Variants in DYSF observed in about 807,000 individuals in gnomAD.
The protein encoded by DYSF is dystrophy-associated fer-1-like 1.
In DYSF, 212 loss-of-function variants were observed where a neutral mutation model predicts 274.9. The observed-to-expected ratio is 0.77, with a 90% CI of 0.69 to 0.86. The LOEUF is 0.86. Among genes scored for constraint, DYSF ranks in the 40% least tolerant of loss-of-function variants. The pLI is 0.00. For synonymous variants in DYSF, 1,091 were observed against 1,078.7 expected, an observed-to-expected ratio of 1.01 and a Z score of -0.22; for missense variants, 2,666 against 2,783.2, an observed-to-expected ratio of 0.96 and a Z score of 0.95.
chr2:71,686,437 C>T lies in DYSF; in HGVS notation c.6322-17C>T. On this transcript the variant is annotated splice_polypyrimidine_tract_variant and intron_variant, in intron 55 of 55. Coordinates refer to ENST00000410020, the MANE Select transcript of DYSF (RefSeq NM_001130987.2). Reference sequence around the variant, plus strand: ...CAGTGGGATCACCATGGGTCCCTGTCTCCTCCCTCCCTCCAGAACTATGCT... The same window carrying T: ...CAGTGGGATCACCATGGGTCCCTGTTTCCTCCCTCCCTCCAGAACTATGCT... 1 of 1,613,984 alleles carries T rather than the reference C, an allele frequency of 6.2e-7. No homozygotes were observed. The highest frequency in any genetic ancestry group is 8.5e-7 in the Non-Finnish European group (1 of 1,179,998).
Position 71,466,790 on chromosome 2 carries a change from G to A in DYSF, c.-53G>A. 6.9e-7 allele frequency: 1 copy of A among 1,455,000 alleles called. No individual in the cohort carries two copies. Among genetic ancestry groups the A allele is most frequent in the Non-Finnish European group, 9.2e-7 (1 of 1,090,532 alleles). 90.1% of individuals were successfully genotyped at this position (1,455,000 alleles called of 1,614,324 possible). A position where few individuals can be genotyped will look rare whatever the true frequency, so the allele number is the denominator to read the frequency against. ...TGCTGGGTGGGTGCTCGGGCCCGGTGCTCCCGCTCCCGCCCTGACTGCGCG... is the reference window on the plus strand; with the variant it reads ...TGCTGGGTGGGTGCTCGGGCCCGGTACTCCCGCTCCCGCCCTGACTGCGCG... On this transcript the variant is annotated 5_prime_UTR_variant, in exon 1 of 56. Transcript: ENST00000410020.
chr2:71,454,281 G>T (rs1294798277), intron 1 of DYSF, among the ~76,000 whole-genome samples: 1 of 152,242 alleles, frequency 6.6e-6, no homozygotes, highest in African/African-American at 2.4e-5. Context: ...AAGGAGAGAG[G>T]TGTCTGAATG....
Position 71,543,062 on chromosome 2 carries a change from G to A in DYSF, c.1576+3823G>A, listed in dbSNP as rs527790881. 3.3e-5 allele frequency among the ~76,000 whole-genome samples: 5 copies of A among 150,928 alleles called. No individual in the cohort carries two copies. The East Asian group carries it at 5.9e-4, about 18-fold the overall frequency. The stretch of plus-strand genomic sequence containing the variant: ...GGGCGGGGGCTGCCCCCCACCTCCC[G>A]GACTGGGCAGCTGCCGGGCGGAGAC... On this transcript the variant is annotated intron_variant, in intron 17 of 55. Coordinates refer to ENST00000410020, the MANE Select transcript of DYSF (RefSeq NM_001130987.2).
At chr2:71,674,512 C>G (rs550145199) in intron 52 of DYSF, among the ~76,000 whole-genome samples, 1 of 152,326 alleles carries the variant, frequency 6.6e-6, no homozygotes, top group African/African-American at 2.4e-5. Context: ...GAGGGTGGGC[C>G]TGTCAGTAGA....
intron 40 of DYSF, among the ~76,000 whole-genome samples, chr2:71,614,531 A>G (rs1230932226): frequency 6.6e-6 from 1 of 152,152 alleles, no homozygotes; most frequent in Non-Finnish European, 1.5e-5. Context: ...TAACTTAGGC[A>G]TGGTCGCTTC....
chr2:71,646,668 C>G (rs1042410097), intron 42 of DYSF, among the ~76,000 whole-genome samples: 8 of 152,024 alleles, frequency 5.3e-5, no homozygotes, highest in African/African-American at 1.7e-4. Context: ...ACAAAAGACA[C>G]AACAAGAAAG....
In DYSF at chr2:71,513,745, C is replaced by G. The variant is rs768872906; in HGVS notation, c.583C>G (p.Gln195Glu). ...DTGGEEDTED[Q>E]GLTGDEAEPF... ...AGGAGGAGAGGAAGACACAGAGGAC[C>G]AGGGACTCACTGGAGATGAGGCGGA... is the stretch of plus-strand genomic sequence containing the variant. Residue 195 changes from glutamine (Q) to glutamate (E), a missense_variant, in exon 7 of 56, where the codon CAG (glutamine) becomes GAG (glutamate). By Grantham distance (29) the Gln-to-Glu change is conservative. Transcript: ENST00000410020. 6.2e-7 allele frequency: 1 copy of G among 1,614,130 alleles called. No individual in the cohort carries two copies. Among genetic ancestry groups the G allele is most frequent in the South Asian group, 1.1e-5 (1 of 91,084 alleles).
intron 36 of DYSF, among the ~76,000 whole-genome samples, chr2:71,605,521 C>CGGGGAGGT (rs2093630925): frequency 6.6e-6 from 1 of 151,468 alleles, no homozygotes; most frequent in South Asian, 2.1e-4. Context: ...CTGACCATTT[C>CGGGGAGGT]GGGGAGGTGG....
chr2:71,495,844 A>AGAGGGAG (rs1450001642), intron 3 of DYSF, among the ~76,000 whole-genome samples: 1 of 151,916 alleles, frequency 6.6e-6, no homozygotes, highest in Non-Finnish European at 1.5e-5. Context: ...GGGCCCTAAA[A>AGAGGGAG]GAGGGAGGAG....
At chr2:71,570,013 C>T (rs1401332150) in intron 27 of DYSF, 79 bp downstream of exon 27, 5 of 1,345,316 alleles carry the variant, frequency 3.7e-6, no homozygotes, top group Non-Finnish European at 4.2e-6. Flanking sequence ...ACAGGTGGGG[C>T]ATGTTTCTCT....
intron 41 of DYSF, among the ~76,000 whole-genome samples, chr2:71,623,800 G>A (rs1252067699): frequency 6.6e-6 from 1 of 152,164 alleles, no homozygotes; most frequent in Non-Finnish European, 1.5e-5. Flanking sequence ...GCCAGGTGTG[G>A]TGGCTCTTGC....
chr2:71,533,599 T>C (rs1326303360), intron 14 of DYSF, among the ~76,000 whole-genome samples: 2 of 152,230 alleles, frequency 1.3e-5, no homozygotes, highest in Non-Finnish European at 2.9e-5. Context: ...ATTCCTCACA[T>C]GTGCAAGTAT....
At chr2:71,467,327 G>A (rs1302655213) in intron 1 of DYSF, among the ~76,000 whole-genome samples, 1 of 152,178 alleles carries the variant, frequency 6.6e-6, no homozygotes, top group African/African-American at 2.4e-5. Flanking sequence ...TGCTTTGAAA[G>A]TTGTGTCTTT....
intron 41 of DYSF, among the ~76,000 whole-genome samples, chr2:71,626,475 T>C (rs1266339196): frequency 2.0e-5 from 3 of 151,378 alleles, no homozygotes; most frequent in Admixed American, 2.0e-4. Context: ...CCAAGTTATC[T>C]AAAATATATA....
At chr2:71,583,866 A>G (rs1182307582) in intron 30 of DYSF, among the ~76,000 whole-genome samples, 2 of 152,164 alleles carry the variant, frequency 1.3e-5, no homozygotes, top group Non-Finnish European at 2.9e-5. Context: ...GAGTTTGGCC[A>G]TTGGCTCTGG....
At chr2:71,475,990 T>C (rs139839340) in intron 1 of DYSF, among the ~76,000 whole-genome samples, 12 of 152,252 alleles carry the variant, frequency 7.9e-5, no homozygotes, top group Middle Eastern at 3.4e-3. Context: ...CAGGTTAGTC[T>C]TGAACTCCTG....
intron 42 of DYSF, among the ~76,000 whole-genome samples, chr2:71,647,272 T>TA (rs1462973751): frequency 2.6e-5 from 4 of 152,224 alleles, no homozygotes; most frequent in Admixed American, 6.5e-5. Flanking sequence ...ATAAAAATAA[T>TA]AAAAAATGGA....
chr2:71,686,399 G>C, intron 55 of DYSF, 55 bp from the exon 56 acceptor site: 2 of 1,607,546 alleles, frequency 1.2e-6, no homozygotes, highest in Non-Finnish European at 1.7e-6. Flanking sequence ...AGCTGCTCTG[G>C]CTGTGCCTGC....
At chr2:71,668,127 A>G (rs2095050595) in intron 48 of DYSF, among the ~76,000 whole-genome samples, 1 of 152,112 alleles carries the variant, frequency 6.6e-6, no homozygotes, top group Non-Finnish European at 1.5e-5. Flanking sequence ...AGAAAGGCCA[A>G]AGTGAGCCAT....
Sources: gnomAD v4.1 joint callset for allele counts (sites outside exome capture counted in the v4.1 genomes callset) on GRCh38, gnomAD v4.1.1 for gene constraint, MANE v1.5 for transcripts, NCBI Gene and HGNC (gene_info 2026-07-23, HGNC 2026-07-21) for gene names.